Variants in FMNL3 observed in about 807,000 individuals in gnomAD.
FMNL3 encodes the protein formin-like protein 3.
Under a neutral mutation model 119.6 loss-of-function variants are expected in FMNL3, and 57 were observed. The ratio of observed to expected loss-of-function variants is 0.48; its 90% CI spans 0.39 to 0.59. The LOEUF (loss-of-function observed/expected upper bound fraction) is 0.59. Ranked by LOEUF, FMNL3 falls within the 20% of genes least tolerant of loss-of-function variation. FMNL3 has a pLI of 0.00. For missense variants in FMNL3, 1,053 were observed against 1,323.5 expected (o/e 0.80, Z 3.17); for synonymous variants, 491 against 507.3 (o/e 0.97, Z 0.43).
chr12:49,687,154 C>T (rs1307365499), intron 1 of FMNL3, among the ~76,000 whole-genome samples: 2 of 147,792 alleles, frequency 1.4e-5, no homozygotes, highest in Non-Finnish European at 3.0e-5. Flanking sequence ...AGTGCAGTGG[C>T]GCGATCTCGG....
intron 25 of FMNL3, chr12:49,646,613 G>C (rs984681415): frequency 9.0e-5 from 132 of 1,459,018 alleles, no homozygotes; most frequent in Non-Finnish European, 1.2e-4. Context: ...CGGGCATGCA[G>C]AGGGGGCAGC....
chr12:49,658,524 T>C lies in FMNL3; in HGVS notation c.523A>G (p.Ile175Val), dbSNP rs201183858. 2.5e-4 allele frequency: 408 copies of C among 1,613,616 alleles called. 2 individuals are homozygous for C. Among genetic ancestry groups the C allele is most frequent in the South Asian group, 2.2e-3 (197 of 91,034 alleles). ...FDKLRSWSRSIEDLQPPSALS... is the reference protein window; with the variant it reads ...FDKLRSWSRSVEDLQPPSALS... The stretch of plus-strand genomic sequence containing the variant: ...GCGCTGGGTGGCTGCAGGTCCTCGA[T>C]TGACCTGCTCCAGGACCGGAGTTTG... Residue 175 changes from isoleucine to valine, a missense_variant, in exon 6 of 26, where the codon ATC (isoleucine) becomes GTC (valine). Physicochemically the swap from Ile to Val is conservative, Grantham distance 29 (BLOSUM62 3). Around this residue, in one of 4 missense-constraint regions of FMNL3, gnomAD observed 264 missense variants for 265.5 expected, o/e 0.99. Transcript: ENST00000335154.
chr12:49,654,407 T>A, intron 10 of FMNL3, 105 bp from the exon 11 acceptor site: 2 of 820,232 alleles, frequency 2.4e-6, no homozygotes, highest in Middle Eastern at 2.9e-4. Flanking sequence ...TGTGGATAAT[T>A]ACAGGGAGTC....
Position 49,643,885 on chromosome 12 carries a change from C to T in FMNL3, c.*1930G>A, listed in dbSNP as rs1943005285. 1 of 1,613,954 alleles carries T rather than the reference C, an allele frequency of 6.2e-7. No homozygotes were observed. The highest frequency in any genetic ancestry group is 1.1e-5 in the South Asian group (1 of 91,076). On this transcript the variant is annotated 3_prime_UTR_variant, in exon 26 of 26. Transcript: ENST00000335154. ...GAATAGTCCTGAGAGTGAGACAGAC[C>T]CTGAGGAGAAAGCTGGCAAGGAGAG...
chr12:49,655,810 A>C (rs1434003719), intron 9 of FMNL3, among the ~76,000 whole-genome samples: 1 of 152,084 alleles, frequency 6.6e-6, no homozygotes, highest in African/African-American at 2.4e-5. Flanking sequence ...AAGAAGAGGA[A>C]GGGGTGGGAC....
intron 13 of FMNL3, 169 bp from the exon 14 acceptor site, chr12:49,652,381 C>T: frequency 1.5e-6 from 2 of 1,336,366 alleles, no homozygotes; most frequent in Non-Finnish European, 9.9e-7. Context: ...TGGAAGGCAG[C>T]AAAACAAAAG....
At chr12:49,677,814 G>A (rs939169275) in intron 1 of FMNL3, among the ~76,000 whole-genome samples, 2 of 152,196 alleles carry the variant, frequency 1.3e-5, no homozygotes, top group African/African-American at 4.8e-5. Flanking sequence ...TTAGACTGTG[G>A]AGTCAAGTAA....
At chr12:49,663,803 C>T (rs986995082) in intron 4 of FMNL3, among the ~76,000 whole-genome samples, 2 of 152,224 alleles carry the variant, frequency 1.3e-5, no homozygotes, top group Non-Finnish European at 2.9e-5. Context: ...AATAAAAGCA[C>T]ACCCCTATCC....
At position 49,660,845 on chromosome 12, in the gene FMNL3, C is replaced by T. The variant is rs114966202; in HGVS notation, c.452+1121G>A. ...GCATGGTGGTATACACCTGTGGTCCCAGCTACTCAGCAAGGCTGAGGCAGG... is the reference window on the plus strand; with the variant it reads ...GCATGGTGGTATACACCTGTGGTCCTAGCTACTCAGCAAGGCTGAGGCAGG... On this transcript the variant is annotated intron_variant, in intron 5 of 25. Coordinates refer to ENST00000335154, the MANE Select transcript of FMNL3 (RefSeq NM_175736.5). 3.3e-3 allele frequency among the ~76,000 whole-genome samples: 503 copies of T among 152,344 alleles called. 3 individuals carry two copies. The highest frequency in any genetic ancestry group is 0.012 in the African/African-American group (481 of 41,582).
At chr12:49,705,312 G>A (rs1331948719) in intron 1 of FMNL3, among the ~76,000 whole-genome samples, 4 of 152,184 alleles carry the variant, frequency 2.6e-5, no homozygotes, top group Admixed American at 1.3e-4. Context: ...TGGTGCTCTG[G>A]TGTCCTGGTT....
intron 9 of FMNL3, among the ~76,000 whole-genome samples, chr12:49,655,394 T>G (rs1365640382): frequency 2.6e-5 from 4 of 152,178 alleles, no homozygotes; most frequent in African/African-American, 9.7e-5. Context: ...ATTGTGCCAC[T>G]GCACTCCAGC....
At position 49,641,109 on chromosome 12, in the gene FMNL3, A is replaced by C. The variant is rs910082803; in HGVS notation, c.*4706T>G. ...TTGAACTCCAGTGGCTTCATTTACCACTCATGTCATCTTGGGCCAACTGAG... is the reference window on the plus strand; with the variant it reads ...TTGAACTCCAGTGGCTTCATTTACCCCTCATGTCATCTTGGGCCAACTGAG... On this transcript the variant is annotated 3_prime_UTR_variant, in exon 26 of 26. Transcript: ENST00000335154. The C allele has an allele frequency of 2.6e-5, 4 of 152,110 alleles. No homozygotes were observed. The highest frequency in any genetic ancestry group is 5.9e-5 in the Non-Finnish European group (4 of 68,044). 9.4% of individuals were successfully genotyped at this position (152,110 alleles called of 1,614,324 possible). A position where few individuals can be genotyped will look rare whatever the true frequency, so the allele number is the denominator to read the frequency against.
chr12:49,658,294 G>T, intron 6 of FMNL3, 148 bp downstream of exon 6: 1 of 1,212,572 alleles, frequency 8.2e-7, no homozygotes, highest in Non-Finnish European at 1.1e-6. Context: ...AGAGAAGACA[G>T]ACCAGAGACA....
intron 1 of FMNL3, among the ~76,000 whole-genome samples, chr12:49,695,030 TA>T (rs372615488): frequency 3.7e-3 from 542 of 144,790 alleles, no homozygotes; most frequent in Non-Finnish European, 5.6e-3. Context: ...ATTATCCTTG[TA>T]AAAAAAAAAA....
Position 49,637,784 on chromosome 12 carries a change from G to A in FMNL3, c.*8031C>T, listed in dbSNP as rs750420895. On this transcript the variant is annotated 3_prime_UTR_variant, in exon 26 of 26. Transcript: ENST00000335154. ...TTCTATGTGGAGGAGTTGAAGGCAC[G>A]ATTCCATGATGAAAAGAAGATCATT... 12 of 1,593,024 alleles carry A rather than the reference G, an allele frequency of 7.5e-6. No homozygotes were observed. The highest frequency in any genetic ancestry group is 5.5e-5 in the South Asian group (5 of 90,410).
chr12:49,657,589 A>G (rs1240175860), intron 6 of FMNL3, among the ~76,000 whole-genome samples: 1 of 152,154 alleles, frequency 6.6e-6, no homozygotes, highest in African/African-American at 2.4e-5. Flanking sequence ...CATGGCTCCC[A>G]TCCCACTTCT....
At chr12:49,678,157 C>T (rs1039862211) in intron 1 of FMNL3, among the ~76,000 whole-genome samples, 3 of 149,922 alleles carry the variant, frequency 2.0e-5, no homozygotes, top group South Asian at 2.1e-4. Flanking sequence ...CCACCGTGCC[C>T]GGCCTATTTT....
chr12:49,662,615 T>G (rs1269983209), intron 4 of FMNL3, among the ~76,000 whole-genome samples: 1 of 152,136 alleles, frequency 6.6e-6, no homozygotes, highest in East Asian at 1.9e-4. Context: ...AGTTCTGTAT[T>G]TAGTCATGTT....
chr12:49,699,112 T>A (rs1156463218), intron 1 of FMNL3, among the ~76,000 whole-genome samples: 1 of 152,148 alleles, frequency 6.6e-6, no homozygotes, highest in Non-Finnish European at 1.5e-5. Flanking sequence ...GAGAAATGTT[T>A]CCCCAGAATG....
Sources: allele counts gnomAD v4.1 joint callset (sites outside exome capture counted in the v4.1 genomes callset), GRCh38; gene constraint gnomAD v4.1.1; regional missense constraint gnomAD v4.1.1; transcripts MANE v1.5; gene names NCBI Gene and HGNC (gene_info 2026-07-23, HGNC 2026-07-21).